The following DSCAM variants were observed in gnomAD, a reference collection of about 807,000 sequenced individuals.
The protein encoded by DSCAM is cell adhesion molecule DSCAM.
Under a neutral mutation model 217.7 loss-of-function variants are expected in DSCAM, and 47 were observed. The ratio of observed to expected loss-of-function variants is 0.22; its 90% confidence interval spans 0.17 to 0.28. The LOEUF is 0.28. Ranked by LOEUF, DSCAM falls within the 10% of genes least tolerant of loss-of-function variation. The pLI is 1.00. For missense variants in DSCAM, 2,080 were observed against 2,618.3 expected, an observed-to-expected ratio of 0.79 and a Z score of 4.49; for synonymous variants, 1,056 against 1,015.3, an observed-to-expected ratio of 1.04 and a Z score of -0.76.
At chr21:40,628,098 T>C (rs2089629018) in intron 3 of DSCAM, among the ~76,000 whole-genome samples, 1 of 152,216 alleles carries the variant, frequency 6.6e-6, no homozygotes, top group Non-Finnish European at 1.5e-5. Context: ...ACAAATAATT[T>C]GTGTCTTTTG....
chr21:40,545,316 G>C (rs2076573234), intron 3 of DSCAM, among the ~76,000 whole-genome samples: 1 of 152,162 alleles, frequency 6.6e-6, no homozygotes, highest in South Asian at 2.1e-4. Context: ...AGCAGCCTGA[G>C]TTGACCAAGG....
chr21:40,471,502 T>C (rs1454076871), intron 3 of DSCAM, among the ~76,000 whole-genome samples: 1 of 152,218 alleles, frequency 6.6e-6, no homozygotes. Context: ...TACAGTCTGC[T>C]CCGAGGGCTT....
intron 3 of DSCAM, among the ~76,000 whole-genome samples, chr21:40,456,010 G>A (rs1050241628): frequency 2.0e-5 from 3 of 151,998 alleles, no homozygotes; most frequent in African/African-American, 7.2e-5. Context: ...AATGGGTGCA[G>A]CACACCAACA....
At chr21:40,398,662 G>C (rs2075204714) in intron 3 of DSCAM, among the ~76,000 whole-genome samples, 1 of 139,144 alleles carries the variant, frequency 7.2e-6, no homozygotes, top group Admixed American at 7.5e-5. Context: ...TTGAGATGGA[G>C]TCTCACTCTG....
At chr21:40,586,352 A>T (rs1405372569) in intron 3 of DSCAM, among the ~76,000 whole-genome samples, 1 of 152,230 alleles carries the variant, frequency 6.6e-6, no homozygotes, top group Admixed American at 6.5e-5. Flanking sequence ...AATCCTTTAC[A>T]GCAACATAAA....
intron 32 of DSCAM, among the ~76,000 whole-genome samples, chr21:40,036,918 C>G (rs2088635722): frequency 6.6e-6 from 1 of 150,638 alleles, no homozygotes; most frequent in African/African-American, 2.5e-5. Context: ...ACAAAAACCA[C>G]ATGATTATCT....
At chr21:40,567,281 A>G (rs2146197177) in intron 3 of DSCAM, among the ~76,000 whole-genome samples, 1 of 152,302 alleles carries the variant, frequency 6.6e-6, no homozygotes, top group South Asian at 2.1e-4. Flanking sequence ...TCCACCACCC[A>G]TTAATTGAAC....
rs148173623 is a variant in DSCAM at position 40,820,281 on chromosome 21, T to C, written c.43+26338A>G. 5.3e-5 allele frequency among the ~76,000 whole-genome samples: 8 copies of C among 152,084 alleles called. No individual in the cohort carries two copies. The East Asian group carries it at 1.5e-3, about 29-fold the overall frequency. Reference sequence around the variant, plus strand: ...TATACCATGGAATACTATGCAGCCATAAAAAAGAATGAGATCATGTCCTTT... The same window carrying C: ...TATACCATGGAATACTATGCAGCCACAAAAAAGAATGAGATCATGTCCTTT... On this transcript the variant is annotated intron_variant, in intron 1 of 32. Transcript: ENST00000400454.
At chr21:40,023,474 C>T (rs2088314990) in intron 32 of DSCAM, among the ~76,000 whole-genome samples, 4 of 149,386 alleles carry the variant, frequency 2.7e-5, no homozygotes, top group Admixed American at 2.0e-4. Flanking sequence ...AACTAGTTTA[C>T]AGTCCCACCA....
chr21:40,148,776 T>C (rs62237641), intron 16 of DSCAM, among the ~76,000 whole-genome samples: 115,436 of 151,954 alleles, frequency 0.76, 44,008 homozygotes, highest in South Asian at 0.84. Flanking sequence ...TCAAAAATAC[T>C]GTGAACACCA....
intron 1 of DSCAM, among the ~76,000 whole-genome samples, chr21:40,710,418 T>C (rs1275348026): frequency 6.6e-6 from 1 of 152,242 alleles, no homozygotes; most frequent in African/African-American, 2.4e-5. Context: ...TTATATCATG[T>C]TAAAGTGTAC....
chr21:40,337,793 T>A (rs1171730132), intron 8 of DSCAM, among the ~76,000 whole-genome samples: 2 of 152,210 alleles, frequency 1.3e-5, no homozygotes, highest in African/African-American at 4.8e-5. Context: ...TTAAAAATTA[T>A]CTGAGAGATG....
intron 11 of DSCAM, among the ~76,000 whole-genome samples, chr21:40,202,459 G>A (rs760538979): frequency 2.0e-5 from 3 of 152,318 alleles, no homozygotes; most frequent in African/African-American, 2.4e-5. Context: ...GCTCCCAGCC[G>A]TTCAGTGTGC....
intron 18 of DSCAM, among the ~76,000 whole-genome samples, chr21:40,134,256 G>T (rs151176626): frequency 6.6e-6 from 1 of 152,066 alleles, no homozygotes; most frequent in Non-Finnish European, 1.5e-5. Flanking sequence ...TCTGGAAAAC[G>T]AAGTAATTCG....
intron 8 of DSCAM, among the ~76,000 whole-genome samples, chr21:40,322,924 AC>A (rs2074276029): frequency 6.6e-6 from 1 of 152,192 alleles, no homozygotes. Context: ...AGTTGCACTG[AC>A]CAGATTCCTT....
chr21:40,091,802 T>A (rs2089613705), intron 21 of DSCAM, among the ~76,000 whole-genome samples: 1 of 151,980 alleles, frequency 6.6e-6, no homozygotes, highest in African/African-American at 2.4e-5. Context: ...GTGGTGGAAC[T>A]CCCCTTTACA....
At chr21:40,355,302 T>C (rs1349817788) in intron 4 of DSCAM, among the ~76,000 whole-genome samples, 7 of 152,298 alleles carry the variant, frequency 4.6e-5, no homozygotes, top group Middle Eastern at 3.4e-3. Context: ...ACCGACAGCA[T>C]GTGGCGTAGC....
chr21:40,638,794 C>T (rs923093847), intron 3 of DSCAM, among the ~76,000 whole-genome samples: 16 of 152,150 alleles, frequency 1.1e-4, no homozygotes, highest in African/African-American at 3.9e-4. Context: ...ACTGTCACCA[C>T]ATTTATTTCA....
Position 40,144,147 on chromosome 21 carries a change from G to GT in DSCAM, c.3259+343dup, listed in dbSNP as rs1163359661. Among the ~76,000 whole-genome samples, 3 of 152,240 alleles carry GT rather than the reference G, an allele frequency of 2.0e-5. No homozygotes were observed. Among genetic ancestry groups the GT allele is most frequent in the African/African-American group, 4.8e-5 (2 of 41,474 alleles). On this transcript the variant is annotated intron_variant, in intron 17 of 32. Transcript: ENST00000400454. This position sits in a 1 kb window ranked among gnomAD's most constrained non-coding sequence, Gnocchi z 4.8. Reference sequence around the variant, plus strand: ...AAACCTTCTTAACATTTGGGAGAAAGTTTTTTAGCAAATAGCATTTCTGCA... The same window carrying GT: ...AAACCTTCTTAACATTTGGGAGAAAGTTTTTTTAGCAAATAGCATTTCTGCA...
Sources: gnomAD v4.1 joint callset for allele counts (sites outside exome capture counted in the v4.1 genomes callset) on GRCh38, gnomAD v4.1.1 for gene constraint, Gnocchi (gnomAD v3.1) non-coding constraint, MANE v1.5 for transcripts, NCBI Gene and HGNC (gene_info 2026-07-23, HGNC 2026-07-21) for gene names.